ABCB9: variants seen among roughly 807,000 people sequenced by gnomAD.
ABCB9 encodes ABC-type oligopeptide transporter ABCB9.
In ABCB9, 36 loss-of-function variants were observed where a neutral mutation model predicts 62.0. The ratio of observed to expected loss-of-function variants is 0.58; its 90% CI spans 0.45 to 0.77. The LOEUF (loss-of-function observed/expected upper bound fraction) is 0.77. ABCB9 is among the 30% of genes least tolerant of loss of function. The pLI is 0.00. For synonymous variants in ABCB9, 435 were observed against 461.4 expected, an observed-to-expected ratio of 0.94 and a Z score of 0.73; for missense variants, 943 against 1,054.7, an observed-to-expected ratio of 0.89 and a Z score of 1.47.
exon 1 of ABCB9, chr12:122,975,049 A>G: frequency 2.2e-6 from 1 of 462,930 alleles, no homozygotes; most frequent in Admixed American, 3.6e-5. Context: ...GAAAACTGGG[A>G]GGCGGAACGA....
chr12:122,955,330 C>T (rs539526587), intron 2 of ABCB9, among the ~76,000 whole-genome samples: 1 of 152,378 alleles, frequency 6.6e-6, no homozygotes, highest in South Asian at 2.1e-4. Context: ...AGGATGTCTG[C>T]ATTCCCCGAC....
rs2135760545 is a variant in ABCB9 at position 122,932,045 on chromosome 12, C to T, written c.2040+147G>A. 2 of 1,418,226 alleles carry T rather than the reference C, an allele frequency of 1.4e-6. No individual in the cohort carries two copies. Among genetic ancestry groups the T allele is most frequent in the East Asian group, 5.0e-5 (2 of 40,178 alleles). 87.9% of individuals were successfully genotyped at this position (1,418,226 alleles called of 1,614,324 possible). On this transcript the variant is annotated intron_variant, in intron 11 of 11. Coordinates refer to ENST00000280560, the MANE Select transcript of ABCB9 (RefSeq NM_019625.4). The surrounding 1 kb of genome is among the most constrained non-coding windows in gnomAD (Gnocchi z 4.7). ...GTGGCTCCTGGCTCCCCACTCTCAA[C>T]ACCAGGAATTCACCAGCCCAGGAGG...
At chr12:122,925,632 C>T (rs891836943), downstream of ABCB9, among the ~76,000 whole-genome samples, 2 of 151,916 alleles carry the variant, frequency 1.3e-5, no homozygotes, top group African/African-American at 4.8e-5. Context: ...CCTCTAGTCG[C>T]AGCTACTCGG....
At chr12:122,921,040 A>G in exon 12 of ABCB9, 1 of 1,535,406 alleles carries the variant, frequency 6.5e-7, no homozygotes, top group South Asian at 1.2e-5. Context: ...CTGGTCATTC[A>G]GATCTAAGAA....
intron 11 of ABCB9, chr12:122,931,889 C>G (rs1429121553): frequency 2.4e-6 from 1 of 422,496 alleles, no homozygotes; most frequent in Admixed American, 3.6e-5. Flanking sequence ...GGTGATCCAC[C>G]TGCTTCGGCC....
At chr12:122,973,086 A>C (rs1478188309) in intron 1 of ABCB9, 2 of 152,240 alleles carry the variant, frequency 1.3e-5, no homozygotes, top group Non-Finnish European at 2.9e-5. Flanking sequence ...GGCTGGCAGC[A>C]CATGTTGATT....
rs976122440 is a variant in ABCB9 at position 122,929,718 on chromosome 12, A to AG, written c.*192dup. On this transcript the variant is annotated 3_prime_UTR_variant, in exon 12 of 12. Transcript: ENST00000280560. This position sits in a 1 kb window ranked among gnomAD's most constrained non-coding sequence, Gnocchi z 6.0. ...CGTGAAGGCGTTGGCTCAGGGCAGCAGGGGTAAGGAGTGCCCTGGGAATGG... is the reference window on the plus strand; with the variant it reads ...CGTGAAGGCGTTGGCTCAGGGCAGCAGGGGGTAAGGAGTGCCCTGGGAATGG... 22 of 1,346,012 alleles carry AG rather than the reference A, an allele frequency of 1.6e-5. No individual in the cohort carries two copies. In the African/African-American group the frequency reaches 2.8e-4, roughly 17 times the overall value. The allele number at this position is 1,346,012 out of a possible 1,614,324, so 83.4% of individuals were successfully genotyped here. A position where few individuals can be genotyped will look rare whatever the true frequency, so the allele number is the denominator to read the frequency against.
chr12:122,950,034 G>C (rs2036276219), intron 3 of ABCB9, 116 bp from the exon 4 acceptor site: 2 of 1,428,692 alleles, frequency 1.4e-6, no homozygotes, highest in African/African-American at 2.8e-5. Context: ...CCACTCCAGG[G>C]CTGGCATCCC....
intron 2 of ABCB9, 88 bp from the exon 3 acceptor site, chr12:122,950,653 C>T (rs1020793501): frequency 9.6e-7 from 1 of 1,045,040 alleles, no homozygotes; most frequent in South Asian, 1.5e-5. Context: ...CACACACCAA[C>T]CCCTCTGCCC....
At chr12:122,972,767 C>T (rs549348166) in intron 1 of ABCB9, 1 of 152,208 alleles carries the variant, frequency 6.6e-6, no homozygotes, top group South Asian at 2.1e-4. Context: ...CTGGCCTCAG[C>T]CTCCCAAAGT....
At chr12:122,920,172 C>A (rs1038336906), downstream of ABCB9, among the ~76,000 whole-genome samples, 2 of 152,088 alleles carry the variant, frequency 1.3e-5, no homozygotes, top group African/African-American at 2.4e-5. Flanking sequence ...TGAGCCACCA[C>A]GCCCAGCCAA....
rs2035209102 is a variant in ABCB9, at chr12:122,932,192, C to G, written c.2040G>C (p.Leu680=). 2.6e-6 allele frequency: 4 copies of G among 1,552,610 alleles called. No individual in the cohort carries two copies. The highest frequency in any genetic ancestry group is 3.5e-6 in the Non-Finnish European group (4 of 1,147,876). ...CATTGCCCACCACCCTGTGACTCAC[C>G]AGATACTCGCTCTCGGCATCCAAAG... ...TSALDAESEY[L]IQQAIHGNLQ... The change falls in exon 11 of 12, where the codon CTG becomes CTC. Residue 680 remains leucine, a splice_region_variant and synonymous_variant. Coordinates refer to ENST00000280560, the MANE Select transcript of ABCB9 (RefSeq NM_019625.4). The surrounding 1 kb of genome is among the most constrained non-coding windows in gnomAD (Gnocchi z 4.7).
intron 7 of ABCB9, among the ~76,000 whole-genome samples, chr12:122,941,307 T>G (rs1002590102): frequency 1.4e-5 from 2 of 147,120 alleles, no homozygotes; most frequent in Non-Finnish European, 3.0e-5. Context: ...TGCGATAGCA[T>G]AGCTTTTTTT....
chr12:122,941,099 G>T, intron 7 of ABCB9, 104 bp from the exon 8 acceptor site: 1 of 1,319,222 alleles, frequency 7.6e-7, no homozygotes, highest in Non-Finnish European at 1.0e-6. Context: ...AGGAGTTCTG[G>T]CGGGGAGATG....
chr12:122,961,851 T>C (rs2036922661), intron 1 of ABCB9, among the ~76,000 whole-genome samples: 1 of 152,224 alleles, frequency 6.6e-6, no homozygotes, highest in Non-Finnish European at 1.5e-5. Context: ...CTGGGCAGAG[T>C]GCCTGGTGCA....
At chr12:122,925,843 A>G (rs2034888903), downstream of ABCB9, among the ~76,000 whole-genome samples, 1 of 152,258 alleles carries the variant, frequency 6.6e-6, no homozygotes, top group Non-Finnish European at 1.5e-5. Context: ...AAACAGCCCA[A>G]ATATCTATCA....
chr12:122,962,725 C>G (rs2036973124), intron 1 of ABCB9, among the ~76,000 whole-genome samples: 1 of 152,186 alleles, frequency 6.6e-6, no homozygotes. Flanking sequence ...TACAAGCAGA[C>G]AGGGATGTAA....
At chr12:122,951,226 T>C (rs962999612) in intron 2 of ABCB9, among the ~76,000 whole-genome samples, 2 of 151,370 alleles carry the variant, frequency 1.3e-5, no homozygotes, top group African/African-American at 4.9e-5. Context: ...TTTTTCTTTT[T>C]CTAAAATATT....
Position 122,932,131 on chromosome 12 carries a change from G to A in ABCB9, c.2040+61C>T, listed in dbSNP as rs1406687890. 1.3e-6 allele frequency: 2 copies of A among 1,549,450 alleles called. No individual in the cohort carries two copies. The highest frequency in any genetic ancestry group is 2.4e-5 in the East Asian group (1 of 40,918). On this transcript the variant is annotated intron_variant, in intron 11 of 11. Coordinates refer to ENST00000280560, the MANE Select transcript of ABCB9 (RefSeq NM_019625.4). The surrounding 1 kb of genome is among the most constrained non-coding windows in gnomAD (Gnocchi z 4.7). ...TCTCAGCATCCATCTGCTGGGCGAT[G>A]GGGGCTCTGGCCACCTGGAGCCGCT...
Sources: allele counts gnomAD v4.1 joint callset (sites outside exome capture counted in the v4.1 genomes callset), GRCh38; gene constraint gnomAD v4.1.1; non-coding constraint Gnocchi (gnomAD v3.1); transcripts MANE v1.5; gene names NCBI Gene and HGNC (gene_info 2026-07-23, HGNC 2026-07-21).